The following ITGB8 variants were observed in gnomAD, a reference collection of about 807,000 sequenced individuals.
The protein encoded by ITGB8 is integrin subunit beta 8.
A neutral mutation model predicts 89.5 loss-of-function variants in ITGB8; 30 were observed. The ratio of observed to expected loss-of-function variants is 0.34; its 90% CI spans 0.25 to 0.45. ITGB8 has a LOEUF of 0.45. Among genes scored for constraint, ITGB8 ranks in the 20% least tolerant of loss-of-function variants. ITGB8 has a pLI of 1.00. For missense variants in ITGB8, 836 were observed against 933.3 expected, an observed-to-expected ratio of 0.90 and a Z score of 1.36; for synonymous variants, 335 against 320.4, an observed-to-expected ratio of 1.05 and a Z score of -0.49.
chr7:20,401,388 A>C (rs965357454), intron 9 of ITGB8, among the ~76,000 whole-genome samples: 2 of 152,194 alleles, frequency 1.3e-5, no homozygotes, highest in Admixed American at 1.3e-4. Context: ...TGAGTTTAGA[A>C]AATGGCCTAT....
chr7:20,399,392 A>G (rs1731655555), intron 9 of ITGB8, among the ~76,000 whole-genome samples: 1 of 152,220 alleles, frequency 6.6e-6, no homozygotes, highest in African/African-American at 2.4e-5. Flanking sequence ...TGTAAAATTG[A>G]AAGTCACATA....
At chr7:20,382,677 T>A (rs1247178985) in intron 6 of ITGB8, among the ~76,000 whole-genome samples, 1 of 152,206 alleles carries the variant, frequency 6.6e-6, no homozygotes, top group East Asian at 1.9e-4. Flanking sequence ...TACCTAATAG[T>A]TCTGTTTTTT....
Position 20,404,779 on chromosome 7 carries a change from G to A in ITGB8, c.1839G>A (p.Glu613=). Residue 613 remains glutamate (E), a synonymous_variant, in exon 11 of 14, where the codon GAG becomes GAA. Transcript: ENST00000222573. ...GCACGTGTGTGTGTGGAAGGTGTGA[G>A]TGCACCGATCCCAGGAGCATCGGCC... ...GRGTCVCGRC[E]CTDPRSIGRF... 1 of 1,614,144 alleles carries A rather than the reference G, an allele frequency of 6.2e-7. No homozygotes were observed. Among genetic ancestry groups the A allele is most frequent in the Non-Finnish European group, 8.5e-7 (1 of 1,180,032 alleles).
rs1218490006 is a variant in ITGB8, at chr7:20,403,763, G to A, written c.1688-865G>A. ...AGGGAGAGAGATAGAAGGAAGGAAG[G>A]GAGGGAAGGAAGGAGGAAGGAAGGG... On this transcript the variant is annotated intron_variant, in intron 10 of 13. Transcript: ENST00000222573. 5.2e-5 allele frequency among the ~76,000 whole-genome samples: 7 copies of A among 134,424 alleles called. No individual in the cohort carries two copies. In the Admixed American group the frequency reaches 5.5e-4, roughly 11 times the overall value. 88.2% of individuals were successfully genotyped at this position (134,424 alleles called of 152,430 possible). A position where few individuals can be genotyped will look rare whatever the true frequency, so the allele number is the denominator to read the frequency against.
intron 2 of ITGB8, chr7:20,365,849 C>G (rs1785673852): frequency 6.6e-6 from 1 of 151,454 alleles, no homozygotes; most frequent in Non-Finnish European, 1.5e-5. Flanking sequence ...CCAATGATTC[C>G]TCAACCAGCA....
intron 11 of ITGB8, among the ~76,000 whole-genome samples, chr7:20,405,322 T>A (rs1298500683): frequency 6.8e-6 from 1 of 146,222 alleles, no homozygotes; most frequent in Non-Finnish European, 1.5e-5. Flanking sequence ...TTAATATATA[T>A]ATATATTTTT....
chr7:20,380,437 T>C, intron 4 of ITGB8: 1 of 459,966 alleles, frequency 2.2e-6, no homozygotes. Context: ...TAATCATCTT[T>C]ATTTTTTTGA....
At chr7:20,348,391 T>C (rs1784998840) in intron 1 of ITGB8, among the ~76,000 whole-genome samples, 1 of 152,250 alleles carries the variant, frequency 6.6e-6, no homozygotes, top group African/African-American at 2.4e-5. Flanking sequence ...CCTGACCTCC[T>C]GTTTACTTTC....
intron 3 of ITGB8, among the ~76,000 whole-genome samples, chr7:20,378,129 A>G (rs1786228717): frequency 6.6e-6 from 1 of 152,366 alleles, no homozygotes; most frequent in South Asian, 2.1e-4. Flanking sequence ...ACTTGAAATT[A>G]AAAGTAGAGG....
intron 7 of ITGB8, among the ~76,000 whole-genome samples, chr7:20,394,589 G>A (rs1291181938): frequency 6.6e-6 from 1 of 152,086 alleles, no homozygotes; most frequent in East Asian, 1.9e-4. Context: ...AATCTCTTGG[G>A]CTTTACATTC....
chr7:20,333,455 T>C (rs1295219632), intron 1 of ITGB8, among the ~76,000 whole-genome samples: 2 of 152,208 alleles, frequency 1.3e-5, no homozygotes, highest in South Asian at 2.1e-4. Context: ...CTAGATTTAG[T>C]AAACACACAT....
At chr7:20,399,065 A>G in intron 9 of ITGB8, 71 bp downstream of exon 9, 1 of 1,508,870 alleles carries the variant, frequency 6.6e-7, no homozygotes. Flanking sequence ...CAGAAAAAGC[A>G]AACCATTCTG....
intron 1 of ITGB8, among the ~76,000 whole-genome samples, chr7:20,335,758 A>G (rs1468718437): frequency 6.6e-6 from 1 of 152,116 alleles, no homozygotes; most frequent in Non-Finnish European, 1.5e-5. Flanking sequence ...TAACCTCCAC[A>G]TTGCCAGATC....
intron 6 of ITGB8, among the ~76,000 whole-genome samples, chr7:20,387,776 T>C (rs1420027937): frequency 6.6e-6 from 1 of 152,242 alleles, no homozygotes; most frequent in East Asian, 1.9e-4. Flanking sequence ...CCCTGGTCTA[T>C]GCAGTTATCA....
chr7:20,359,452 G>C (rs1166316575), intron 1 of ITGB8, among the ~76,000 whole-genome samples: 1 of 152,242 alleles, frequency 6.6e-6, no homozygotes, highest in Non-Finnish European at 1.5e-5. Flanking sequence ...CTAATGAGGT[G>C]TCAGTGCAGT....
chr7:20,365,726 C>T (rs1785669593), intron 2 of ITGB8: 1 of 152,172 alleles, frequency 6.6e-6, no homozygotes, highest in South Asian at 2.1e-4. Flanking sequence ...ACTATCCATG[C>T]CATTAACAGG....
rs1786677524 is a variant in ITGB8, at chr7:20,387,557, G to A, written c.961-3846G>A. Among the ~76,000 whole-genome samples the A allele has an allele frequency of 1.3e-5, 2 of 152,176 alleles. 1 individual carries two copies. Among genetic ancestry groups the A allele is most frequent in the South Asian group, 4.1e-4 (2 of 4,828 alleles). ...TTTCAGAGCCCCTGCTGGTGGTGTG[G>A]TTCTCAACTGGAGTGATTTTACCCT... is the stretch of plus-strand genomic sequence containing the variant. On this transcript the variant is annotated intron_variant, in intron 6 of 13. Transcript: ENST00000222573.
At chr7:20,337,054 T>C (rs1293553391) in intron 1 of ITGB8, among the ~76,000 whole-genome samples, 1 of 152,210 alleles carries the variant, frequency 6.6e-6, no homozygotes, top group Non-Finnish European at 1.5e-5. Flanking sequence ...TCTGGACAAA[T>C]CATTAGCAAA....
rs1787887598 is a variant in ITGB8, at chr7:20,415,155, T to C, written c.*5158T>C. ...ATTAAGAATATTGAGTATAAAGTAC[T>C]TTAATTCTAAATTATAAGAAAATAT... On this transcript the variant is annotated 3_prime_UTR_variant, in exon 14 of 14. Transcript: ENST00000222573. 1 of 152,492 alleles carries C rather than the reference T, an allele frequency of 6.6e-6. No homozygotes were observed. Among genetic ancestry groups the C allele is most frequent in the African/African-American group, 2.4e-5 (1 of 41,440 alleles). 9.4% of individuals were successfully genotyped at this position (152,492 alleles called of 1,614,324 possible).
Sources: gnomAD v4.1 joint callset for allele counts (sites outside exome capture counted in the v4.1 genomes callset) on GRCh38, gnomAD v4.1.1 for gene constraint, MANE v1.5 for transcripts, NCBI Gene and HGNC (gene_info 2026-07-23, HGNC 2026-07-21) for gene names.